Variants in CCDC192 observed in about 807,000 individuals in gnomAD.
The protein encoded by CCDC192 is coiled-coil domain containing 192.
At chr5:127,881,625 T>C (rs1752354906) in intron 6 of CCDC192, among the ~76,000 whole-genome samples, 1 of 152,228 alleles carries the variant, frequency 6.6e-6, no homozygotes, top group Non-Finnish European at 1.5e-5. Context: ...AACTATTTCA[T>C]TGGCAGTGTG....
At chr5:127,899,739 T>G (rs1007953341) in intron 6 of CCDC192, among the ~76,000 whole-genome samples, 4 of 152,206 alleles carry the variant, frequency 2.6e-5, no homozygotes, top group Non-Finnish European at 5.9e-5. Context: ...ACAATTTTAT[T>G]GTGTTTTCAA....
Position 127,890,594 on chromosome 5 carries a change from TTA to T in CCDC192, c.535+14934_535+14935del, listed in dbSNP as rs550171874. Among the ~76,000 whole-genome samples the T allele has an allele frequency of 1.6e-4, 24 of 152,338 alleles. 1 individual carries two copies. The East Asian group carries it at 4.6e-3, about 29-fold the overall frequency. On this transcript the variant is annotated intron_variant, in intron 6 of 6. Transcript: ENST00000514853. ...CAGATAGTCTCATAATTTCTTTTCT[TTA>T]ACCAACTCAGTGCTTTACACTTAAG...
chr5:127,852,521 C>T (rs769356462), intron 5 of CCDC192, among the ~76,000 whole-genome samples: 3 of 152,154 alleles, frequency 2.0e-5, no homozygotes, highest in Admixed American at 1.3e-4. Flanking sequence ...GGCATTCACC[C>T]AGATATCTCC....
At chr5:127,928,387 C>T (rs1753923540) in intron 6 of CCDC192, among the ~76,000 whole-genome samples, 1 of 152,122 alleles carries the variant, frequency 6.6e-6, no homozygotes, top group African/African-American at 2.4e-5. Context: ...TGGCTTGTAG[C>T]CCCTGTCTCT....
At chr5:127,715,956 C>T (rs534676566) in intron 2 of CCDC192, among the ~76,000 whole-genome samples, 1 of 152,278 alleles carries the variant, frequency 6.6e-6, no homozygotes, top group African/African-American at 2.4e-5. Flanking sequence ...TAAAAGTGGA[C>T]ATCCTTGTCT....
At position 127,845,188 on chromosome 5, in the gene CCDC192, G is replaced by A. The variant is rs62373536; in HGVS notation, c.412-30350G>A. 3.9e-5 allele frequency among the ~76,000 whole-genome samples: 6 copies of A among 152,196 alleles called. 1 individual carries two copies. Among genetic ancestry groups the A allele is most frequent in the Non-Finnish European group, 8.8e-5 (6 of 68,034 alleles). On this transcript the variant is annotated intron_variant, in intron 5 of 6. Coordinates refer to ENST00000514853, the MANE Select transcript of CCDC192 (RefSeq NM_001317938.2). ...ATAAATGGCTGTTATTAGCCAAGAA[G>A]CCATGTTCTTGCCTCCATGTCAGTC...
At chr5:127,795,983 A>G (rs1437776329) in intron 3 of CCDC192, among the ~76,000 whole-genome samples, 1 of 152,096 alleles carries the variant, frequency 6.6e-6, no homozygotes, top group Non-Finnish European at 1.5e-5. Flanking sequence ...AGTTCGTAAC[A>G]TGTGTGTTCC....
intron 3 of CCDC192, among the ~76,000 whole-genome samples, chr5:127,764,756 A>T: frequency 6.6e-6 from 1 of 152,160 alleles, no homozygotes; most frequent in East Asian, 1.9e-4. Flanking sequence ...AAAATTCACA[A>T]AAAACCTCAT....
chr5:127,806,006 C>G (rs1757760590), intron 5 of CCDC192, among the ~76,000 whole-genome samples: 1 of 152,156 alleles, frequency 6.6e-6, no homozygotes, highest in South Asian at 2.1e-4. Context: ...GCAGGTTGCT[C>G]CTAACCTAGA....
At chr5:127,805,984 C>T (rs986970557) in intron 5 of CCDC192, among the ~76,000 whole-genome samples, 10 of 152,302 alleles carry the variant, frequency 6.6e-5, no homozygotes, top group Admixed American at 6.5e-4. Context: ...GTTCTGAGCT[C>T]TCTTCACATC....
At chr5:127,797,731 GTATATATA>G (rs146458343) in intron 4 of CCDC192, among the ~76,000 whole-genome samples, 114 of 21,014 alleles carry the variant, frequency 5.4e-3, no homozygotes, top group South Asian at 0.016. Context: ...TCATGTGAAG[GTATATATA>G]TATATATATA....
At chr5:127,728,218 G>A (rs1175027489) in intron 2 of CCDC192, among the ~76,000 whole-genome samples, 1 of 152,004 alleles carries the variant, frequency 6.6e-6, no homozygotes, top group Non-Finnish European at 1.5e-5. Flanking sequence ...TCCATGAAAA[G>A]GTCAACCCCA....
At chr5:127,770,361 T>TC (rs1232610155) in intron 3 of CCDC192, among the ~76,000 whole-genome samples, 1 of 149,968 alleles carries the variant, frequency 6.7e-6, no homozygotes, top group Non-Finnish European at 1.5e-5. Context: ...TTTAGTACAA[T>TC]CCCCCCAAAG....
chr5:127,885,988 T>C (rs1233741322), intron 6 of CCDC192, among the ~76,000 whole-genome samples: 1 of 152,206 alleles, frequency 6.6e-6, no homozygotes, highest in Non-Finnish European at 1.5e-5. Context: ...ACAGCATTCA[T>C]TGCTCCTTAG....
intron 6 of CCDC192, among the ~76,000 whole-genome samples, chr5:127,938,260 A>G (rs888588332): frequency 5.3e-5 from 8 of 152,260 alleles, no homozygotes; most frequent in Non-Finnish European, 8.8e-5. Context: ...TTGCTGTGGT[A>G]GTGCATTCAG....
chr5:127,859,219 T>C (rs1751250578), intron 5 of CCDC192, among the ~76,000 whole-genome samples: 1 of 152,212 alleles, frequency 6.6e-6, no homozygotes, highest in African/African-American at 2.4e-5. Context: ...TAGCTTACCT[T>C]TAATTCTTTT....
chr5:127,747,679 C>T (rs1753859018), intron 2 of CCDC192, among the ~76,000 whole-genome samples: 1 of 152,048 alleles, frequency 6.6e-6, no homozygotes, highest in Non-Finnish European at 1.5e-5. Flanking sequence ...GGGGAATCAC[C>T]ACACTGACTT....
rs559625691 is a variant in CCDC192, at chr5:127,910,228, G to T, written c.536-30954G>T. Reference sequence around the variant, plus strand: ...GTGCCTTTATGGCTGTCAAGATGATGAATGTAAAATCCTCTATCAACCTTT... The same window carrying T: ...GTGCCTTTATGGCTGTCAAGATGATTAATGTAAAATCCTCTATCAACCTTT... On this transcript the variant is annotated intron_variant, in intron 6 of 6. Coordinates refer to ENST00000514853, the MANE Select transcript of CCDC192 (RefSeq NM_001317938.2). Among the ~76,000 whole-genome samples the T allele has an allele frequency of 2.6e-5, 4 of 152,314 alleles. No homozygotes were observed. The South Asian group carries it at 8.3e-4, about 32-fold the overall frequency.
intron 5 of CCDC192, among the ~76,000 whole-genome samples, chr5:127,833,635 C>A (rs1202103164): frequency 6.6e-6 from 1 of 152,014 alleles, no homozygotes; most frequent in African/African-American, 2.4e-5. Context: ...TCAGGGGGTA[C>A]CTGTGGTTGA....
Sources: allele counts gnomAD v4.1 joint callset (sites outside exome capture counted in the v4.1 genomes callset), GRCh38; gene constraint gnomAD v4.1.1; transcripts MANE v1.5; gene names NCBI Gene and HGNC (gene_info 2026-07-23, HGNC 2026-07-21).